The following ANK3 variants were observed in gnomAD, a reference collection of about 807,000 sequenced individuals.
ANK3 encodes the protein ankyrin-3.
A neutral mutation model predicts 370.9 loss-of-function variants in ANK3; 57 were observed. The ratio of observed to expected loss-of-function variants is 0.15; its 90% CI spans 0.12 to 0.19. The LOEUF is 0.19. Ranked by LOEUF, ANK3 falls within the 10% of genes least tolerant of loss-of-function variation. The pLI is 1.00. For missense variants in ANK3, 4,439 were observed against 5,302.1 expected, an observed-to-expected ratio of 0.84 and a Z score of 5.06; for synonymous variants, 1,929 against 1,946.3, an observed-to-expected ratio of 0.99 and a Z score of 0.23.
At chr10:60,534,306 T>A (rs762115700) in intron 2 of ANK3, among the ~76,000 whole-genome samples, 3 of 152,238 alleles carry the variant, frequency 2.0e-5, no homozygotes, top group Non-Finnish European at 2.9e-5. Flanking sequence ...AGTGAATTGC[T>A]TCTGCGCCTC....
chr10:60,661,064 G>T (rs1305575510), intron 1 of ANK3, among the ~76,000 whole-genome samples: 1 of 151,506 alleles, frequency 6.6e-6, no homozygotes, highest in Non-Finnish European at 1.5e-5. Flanking sequence ...TAAGTAAAAT[G>T]ATCAGAAAGA....
chr10:60,589,871 A>G (rs2077886021), intron 2 of ANK3, among the ~76,000 whole-genome samples: 2 of 152,192 alleles, frequency 1.3e-5, no homozygotes, highest in African/African-American at 4.8e-5. Context: ...TTTTCCTCTC[A>G]ACCAATCCTA....
intron 1 of ANK3, among the ~76,000 whole-genome samples, chr10:60,330,937 T>C (rs946377510): frequency 2.0e-5 from 3 of 152,034 alleles, no homozygotes; most frequent in African/African-American, 7.2e-5. Flanking sequence ...TGTGCAGCCA[T>C]AAAAAAGAAT....
chr10:60,585,955 C>G (rs1398373755), intron 2 of ANK3, among the ~76,000 whole-genome samples: 4 of 151,944 alleles, frequency 2.6e-5, no homozygotes, highest in Non-Finnish European at 5.9e-5. Flanking sequence ...ACCCCAGAGG[C>G]AGAGGTTGCA....
At chr10:60,482,449 G>A (rs2075247150) in intron 2 of ANK3, among the ~76,000 whole-genome samples, 2 of 151,984 alleles carry the variant, frequency 1.3e-5, no homozygotes, top group African/African-American at 4.8e-5. Context: ...ATTTACAAGT[G>A]TTCTGAGATA....
At chr10:60,542,672 A>G (rs1461375317) in intron 2 of ANK3, among the ~76,000 whole-genome samples, 1 of 151,918 alleles carries the variant, frequency 6.6e-6, no homozygotes, top group Non-Finnish European at 1.5e-5. Context: ...CTTTGGATGG[A>G]GAGAGAATTA....
intron 2 of ANK3, among the ~76,000 whole-genome samples, chr10:60,426,990 A>C (rs1249432572): frequency 6.6e-6 from 1 of 152,126 alleles, no homozygotes; most frequent in Non-Finnish European, 1.5e-5. Flanking sequence ...GAGAGGACCC[A>C]ATCTGATGCT....
At chr10:60,252,229 A>G (rs528435846) in intron 7 of ANK3, among the ~76,000 whole-genome samples, 3 of 152,232 alleles carry the variant, frequency 2.0e-5, no homozygotes, top group Non-Finnish European at 4.4e-5. Context: ...GAGGAAGAAG[A>G]GCAATGTTTT....
At chr10:60,056,508 G>A (rs139056912) in intron 41 of ANK3, among the ~76,000 whole-genome samples, 58 of 152,012 alleles carry the variant, frequency 3.8e-4, no homozygotes, top group Middle Eastern at 3.4e-3. Flanking sequence ...TCATGGGTGC[G>A]GTGTCAGGAG....
At chr10:60,615,608 G>A (rs555316957) in intron 1 of ANK3, among the ~76,000 whole-genome samples, 19 of 152,092 alleles carry the variant, frequency 1.2e-4, no homozygotes, top group South Asian at 4.2e-4. Context: ...TTTTTCCTCC[G>A]CATGAAAATG....
At chr10:60,056,485 A>G (rs1307350575) in intron 41 of ANK3, among the ~76,000 whole-genome samples, 1 of 152,062 alleles carries the variant, frequency 6.6e-6, no homozygotes, top group Non-Finnish European at 1.5e-5. Flanking sequence ...AATAAATAAA[A>G]TGTAAAGGGC....
At chr10:60,339,802 G>A (rs534565340) in intron 1 of ANK3, among the ~76,000 whole-genome samples, 1 of 152,192 alleles carries the variant, frequency 6.6e-6, no homozygotes, top group Non-Finnish European at 1.5e-5. Context: ...GGAGCGGCAA[G>A]AACAGCAGCA....
intron 25 of ANK3, among the ~76,000 whole-genome samples, chr10:60,117,669 T>C (rs1254631335): frequency 6.6e-6 from 1 of 151,834 alleles, no homozygotes; most frequent in Non-Finnish European, 1.5e-5. Flanking sequence ...ATACAAAAAA[T>C]TAGCTGGGCG....
At chr10:60,553,936 G>A (rs961399941) in intron 2 of ANK3, among the ~76,000 whole-genome samples, 1 of 152,022 alleles carries the variant, frequency 6.6e-6, no homozygotes, top group Non-Finnish European at 1.5e-5. Context: ...TGGTTGTTTC[G>A]ACCCATGCTA....
intron 2 of ANK3, among the ~76,000 whole-genome samples, chr10:60,582,251 C>G (rs1411128464): frequency 2.6e-5 from 4 of 151,832 alleles, no homozygotes; most frequent in Admixed American, 6.6e-5. Flanking sequence ...GCACATGTAT[C>G]CTGGAACTTA....
rs1329683130 is a variant in ANK3 at position 60,166,811 on chromosome 10, A to T, written c.2551+13T>A. ...ACTTATAATTATTGTGAACTCAAAGAACATTTTCATACCTTCATCATCAGA... is the reference window on the plus strand; with the variant it reads ...ACTTATAATTATTGTGAACTCAAAGTACATTTTCATACCTTCATCATCAGA... On this transcript the variant is annotated intron_variant, in intron 22 of 43. Coordinates refer to ENST00000280772, the MANE Select transcript of ANK3 (RefSeq NM_020987.5). 6.2e-7 allele frequency: 1 copy of T among 1,612,916 alleles called. No homozygotes were observed. Among genetic ancestry groups the T allele is most frequent in the Non-Finnish European group, 8.5e-7 (1 of 1,178,990 alleles).
At chr10:60,406,832 A>C (rs1267890139) in intron 2 of ANK3, among the ~76,000 whole-genome samples, 2 of 152,184 alleles carry the variant, frequency 1.3e-5, no homozygotes, top group Non-Finnish European at 2.9e-5. Context: ...ATAGTTGGTA[A>C]ATTTTAGTTG....
intron 2 of ANK3, among the ~76,000 whole-genome samples, chr10:60,589,011 G>T (rs1409261046): frequency 6.6e-6 from 1 of 152,120 alleles, no homozygotes; most frequent in Admixed American, 6.6e-5. Context: ...TCAACCAAAG[G>T]CAACATGTAC....
chr10:60,677,349 G>T (rs928168398), intron 1 of ANK3, among the ~76,000 whole-genome samples: 36 of 152,286 alleles, frequency 2.4e-4, no homozygotes, highest in African/African-American at 8.4e-4. Context: ...TTATACGGTA[G>T]TAAGAACATA....
Sources: allele counts gnomAD v4.1 joint callset (sites outside exome capture counted in the v4.1 genomes callset), GRCh38; gene constraint gnomAD v4.1.1; transcripts MANE v1.5; gene names NCBI Gene and HGNC (gene_info 2026-07-23, HGNC 2026-07-21).